Variants in SIDT1 observed in about 807,000 individuals in gnomAD.
The protein encoded by SIDT1 is SID1 transmembrane family member 1.
A neutral mutation model predicts 107.5 loss-of-function variants in SIDT1; 101 were observed. The observed-to-expected ratio is 0.94, with a 90% CI of 0.80 to 1.11. The LOEUF (loss-of-function observed/expected upper bound fraction) is 1.11, where lower values mean the gene tolerates loss of function less well. Among genes scored for constraint, SIDT1 ranks in the 50% least tolerant of loss-of-function variants. SIDT1 has a pLI of 0.00. For synonymous variants in SIDT1, 395 were observed against 398.2 expected, an observed-to-expected ratio of 0.99 and a Z score of 0.10; for missense variants, 1,076 against 1,058.2, an observed-to-expected ratio of 1.02 and a Z score of -0.23.
At chr3:113,586,175 GT>G (rs1164895514) in intron 9 of SIDT1, among the ~76,000 whole-genome samples, 1 of 152,112 alleles carries the variant, frequency 6.6e-6, no homozygotes, top group Non-Finnish European at 1.5e-5. Context: ...AAATTTTTGA[GT>G]TCAGATATTG....
At chr3:113,572,790 C>T (rs1942573663) in intron 3 of SIDT1, among the ~76,000 whole-genome samples, 2 of 152,112 alleles carry the variant, frequency 1.3e-5, no homozygotes, top group South Asian at 4.1e-4. Flanking sequence ...GCCTTCAGCC[C>T]TCCTCTAGCC....
intron 10 of SIDT1, among the ~76,000 whole-genome samples, chr3:113,599,936 T>C (rs1944840709): frequency 6.6e-6 from 1 of 152,226 alleles, no homozygotes; most frequent in African/African-American, 2.4e-5. Context: ...TATGTTAATT[T>C]GCTTAGCTAT....
the SIDT1 span, among the ~76,000 whole-genome samples, chr3:113,635,336 A>C: frequency 6.6e-6 from 1 of 152,220 alleles, no homozygotes; most frequent in Non-Finnish European, 1.5e-5. Context: ...TCTCTACAAA[A>C]AAAGAAAATT....
the SIDT1 span, among the ~76,000 whole-genome samples, chr3:113,634,855 A>AAATT: frequency 6.6e-6 from 1 of 152,200 alleles, no homozygotes; most frequent in Admixed American, 6.6e-5. Flanking sequence ...AAAATACGGA[A>AAATT]GACATATGCC....
Position 113,533,049 on chromosome 3 carries a change from C to T in SIDT1, c.28C>T (p.Leu10Phe), listed in dbSNP as rs1937637982. Residue 10 changes from leucine to phenylalanine, a missense_variant, in exon 1 of 25, where the codon CTC (leucine) becomes TTC (phenylalanine). Leu to Phe is a conservative substitution (Grantham distance 22). Transcript: ENST00000264852. ...GCGCGGCTGCCTGCGGCTCGCGCTG[C>T]TCTGCGCGCTGCCCTGGCTCCTGCT... The part of the protein sequence containing the change: MRGCLRLAL[L>F]CALPWLLLAA... The T allele has an allele frequency of 6.9e-7, 1 of 1,448,798 alleles. No individual in the cohort carries two copies. Among genetic ancestry groups the T allele is most frequent in the Non-Finnish European group, 9.1e-7 (1 of 1,102,322 alleles). The allele number at this position is 1,448,798 out of a possible 1,614,324, so 89.7% of individuals were successfully genotyped here. A position where few individuals can be genotyped will look rare whatever the true frequency, so the allele number is the denominator to read the frequency against.
intron 3 of SIDT1, among the ~76,000 whole-genome samples, chr3:113,574,396 T>C (rs991491424): frequency 3.3e-5 from 5 of 152,146 alleles, no homozygotes; most frequent in Non-Finnish European, 7.4e-5. Context: ...AAGTGAATAA[T>C]AGGATATCAT....
chr3:113,604,720 T>C (rs376711659), intron 13 of SIDT1, among the ~76,000 whole-genome samples, 190 bp from the exon 14 acceptor site: 25 of 152,312 alleles, frequency 1.6e-4, no homozygotes, highest in African/African-American at 5.1e-4. Context: ...CAAGATACTG[T>C]GTACCAAATG....
At chr3:113,587,465 G>C (rs778313683) in intron 9 of SIDT1, among the ~76,000 whole-genome samples, 5 of 152,194 alleles carry the variant, frequency 3.3e-5, no homozygotes, top group African/African-American at 4.8e-5. Flanking sequence ...TCGAATCAGA[G>C]TTACTAATAT....
At chr3:113,581,326 G>T in intron 5 of SIDT1, 35 bp from the exon 6 acceptor site, 1 of 1,541,806 alleles carries the variant, frequency 6.5e-7, no homozygotes, top group Non-Finnish European at 9.0e-7. Flanking sequence ...TGACATTATG[G>T]ATGCTTTCCA....
chr3:113,609,112 G>A (rs55742031), intron 17 of SIDT1, among the ~76,000 whole-genome samples: 44,860 of 142,000 alleles, frequency 0.32, 7,047 homozygotes, highest in Non-Finnish European at 0.33. Context: ...GCCCAGGCTG[G>A]AGTGCAGTGG....
intron 1 of SIDT1, among the ~76,000 whole-genome samples, chr3:113,545,867 T>G (rs1183428316): frequency 1.3e-5 from 2 of 152,244 alleles, no homozygotes; most frequent in Admixed American, 1.3e-4. Context: ...ACTGTTGAAT[T>G]CTCAAGACAT....
At chr3:113,567,740 TG>T in intron 3 of SIDT1, 30 bp downstream of exon 3, 1 of 1,603,070 alleles carries the variant, frequency 6.2e-7, no homozygotes, top group African/African-American at 1.3e-5. Context: ...TTTACCTGTC[TG>T]TGTTTCCTGT....
At chr3:113,534,922 A>G (rs1937936189) in intron 1 of SIDT1, among the ~76,000 whole-genome samples, 3 of 152,242 alleles carry the variant, frequency 2.0e-5, no homozygotes, top group Non-Finnish European at 4.4e-5. Context: ...TATTGAGGGC[A>G]GGGGCAAAGT....
intron 18 of SIDT1, among the ~76,000 whole-genome samples, chr3:113,611,654 G>C (rs1004302031): frequency 3.9e-5 from 6 of 152,136 alleles, no homozygotes; most frequent in African/African-American, 1.4e-4. Context: ...TTAGGCACCT[G>C]TAAAAAGACC....
chr3:113,614,246 G>T (rs903010423), intron 19 of SIDT1, among the ~76,000 whole-genome samples: 1 of 152,070 alleles, frequency 6.6e-6, no homozygotes, highest in East Asian at 1.9e-4. Context: ...GTCTCCTGCC[G>T]GAATTCCCCA....
intron 3 of SIDT1, among the ~76,000 whole-genome samples, chr3:113,571,631 G>A (rs551598780): frequency 6.6e-6 from 1 of 152,300 alleles, no homozygotes; most frequent in South Asian, 2.1e-4. Flanking sequence ...TGTGATCATG[G>A]CATAGGAGGA....
At position 113,604,661 on chromosome 3, in the gene SIDT1, A is replaced by G. The variant is rs73854499; in HGVS notation, c.1338-249A>G. On this transcript the variant is annotated intron_variant, in intron 13 of 24. Transcript: ENST00000264852. Reference sequence around the variant, plus strand: ...CAGTTTTTGCCTCTGCACCCTAACTAAAAGTATCCAAGGGAAGCTTTTCTT... The same window carrying G: ...CAGTTTTTGCCTCTGCACCCTAACTGAAAGTATCCAAGGGAAGCTTTTCTT... Among the ~76,000 whole-genome samples the G allele has an allele frequency of 9.2e-3, 1,408 of 152,336 alleles. 26 individuals are homozygous for G. Among genetic ancestry groups the G allele is most frequent in the African/African-American group, 0.033 (1,361 of 41,572 alleles).
At chr3:113,610,952 C>A (rs1945690593) in intron 17 of SIDT1, 56 bp from the exon 18 acceptor site, 2 of 1,571,552 alleles carry the variant, frequency 1.3e-6, no homozygotes, top group African/African-American at 2.7e-5. Flanking sequence ...TAGAAAATAT[C>A]ATCTGTCTGT....
At chr3:113,586,235 C>T (rs976433164) in intron 9 of SIDT1, among the ~76,000 whole-genome samples, 3 of 152,080 alleles carry the variant, frequency 2.0e-5, no homozygotes, top group Non-Finnish European at 4.4e-5. Context: ...ACAATTTGAA[C>T]ACCAAAATTA....
Sources: gnomAD v4.1 joint callset for allele counts (sites outside exome capture counted in the v4.1 genomes callset) on GRCh38, gnomAD v4.1.1 for gene constraint, MANE v1.5 for transcripts, NCBI Gene and HGNC (gene_info 2026-07-23, HGNC 2026-07-21) for gene names.